The following CSMD1 variants were observed in gnomAD, a reference collection of about 807,000 sequenced individuals.
CSMD1 encodes CUB and sushi domain-containing protein 1.
A neutral mutation model predicts 417.5 loss-of-function variants in CSMD1; 213 were observed. The observed-to-expected ratio is 0.51, with a 90% CI of 0.46 to 0.57. The LOEUF is 0.57. CSMD1 is among the 20% of genes least tolerant of loss of function. The pLI is 0.00. For missense variants in CSMD1, 6,923 were observed against 4,529.7 expected (o/e 1.53, Z -15.17); for synonymous variants, 2,862 against 1,736.8 (o/e 1.65, Z -16.11).
At chr8:3,504,605 C>T (rs920761028) in intron 10 of CSMD1, among the ~76,000 whole-genome samples, 1 of 152,172 alleles carries the variant, frequency 6.6e-6, no homozygotes, top group African/African-American at 2.4e-5. Context: ...GTCTTTATAA[C>T]CAAGAAAAAC....
intron 3 of CSMD1, among the ~76,000 whole-genome samples, chr8:4,192,220 T>A (rs369632700): frequency 6.6e-6 from 1 of 152,258 alleles, no homozygotes; most frequent in East Asian, 1.9e-4. Flanking sequence ...GCAAAGATGA[T>A]TGAATGTTAA....
chr8:4,036,782 C>G lies in CSMD1; in HGVS notation c.416-4683G>C, dbSNP rs562779018. Among the ~76,000 whole-genome samples the G allele has an allele frequency of 1.2e-3, 179 of 152,352 alleles. 1 individual carries two copies. The highest frequency in any genetic ancestry group is 4.2e-3 in the African/African-American group (176 of 41,578). ...TCAAATAGCACTGTTGGCAGCACCACTATTTCATTATAACATGGATGAGAA... is the reference window on the plus strand; with the variant it reads ...TCAAATAGCACTGTTGGCAGCACCAGTATTTCATTATAACATGGATGAGAA... On this transcript the variant is annotated intron_variant, in intron 3 of 69. Coordinates refer to ENST00000635120, the MANE Select transcript of CSMD1 (RefSeq NM_033225.6).
chr8:3,076,059 G>GAA (rs150360282), intron 49 of CSMD1, among the ~76,000 whole-genome samples: 2,086 of 136,886 alleles, frequency 0.015, 19 homozygotes, highest in Middle Eastern at 0.023. Context: ...TCAAAAAAAA[G>GAA]AAAAAAAAAA....
At chr8:4,086,472 T>C (rs190110823) in intron 3 of CSMD1, among the ~76,000 whole-genome samples, 604 of 152,346 alleles carry the variant, frequency 4.0e-3, no homozygotes, top group Non-Finnish European at 6.5e-3. Flanking sequence ...CATTAATTCG[T>C]TCTGACTGTA....
intron 42 of CSMD1, among the ~76,000 whole-genome samples, chr8:3,115,815 T>G (rs189968830): frequency 1.4e-4 from 22 of 152,340 alleles, no homozygotes; most frequent in Admixed American, 1.3e-3. Context: ...ACTGGCCAAT[T>G]TTTAATAAAG....
At chr8:3,431,262 A>G (rs1355000281) in intron 12 of CSMD1, among the ~76,000 whole-genome samples, 1 of 152,070 alleles carries the variant, frequency 6.6e-6, no homozygotes, top group Non-Finnish European at 1.5e-5. Context: ...CTTCCCTCCC[A>G]TGTGCAGATG....
intron 10 of CSMD1, among the ~76,000 whole-genome samples, chr8:3,555,627 A>C (rs572563286): frequency 1.3e-4 from 20 of 152,352 alleles, no homozygotes; most frequent in South Asian, 4.1e-4. Context: ...TTTACATATA[A>C]ATTTAAAGTA....
intron 3 of CSMD1, among the ~76,000 whole-genome samples, chr8:4,319,058 C>T (rs990736792): frequency 4.6e-5 from 7 of 152,148 alleles, no homozygotes; most frequent in African/African-American, 1.7e-4. Context: ...ACCAAATAAA[C>T]ATCTTTTACT....
At chr8:4,109,361 A>G (rs534137946) in intron 3 of CSMD1, among the ~76,000 whole-genome samples, 3 of 152,246 alleles carry the variant, frequency 2.0e-5, no homozygotes, top group Admixed American at 6.5e-5. Flanking sequence ...ATCTTATTTC[A>G]TAGATTTACT....
At chr8:3,664,540 G>T (rs1447826455) in intron 7 of CSMD1, among the ~76,000 whole-genome samples, 1 of 152,210 alleles carries the variant, frequency 6.6e-6, no homozygotes, top group East Asian at 1.9e-4. Flanking sequence ...TGGGTCAAGA[G>T]CGTGAGTGTT....
At position 4,481,929 on chromosome 8, in the gene CSMD1, G is replaced by C. The variant is rs1399134291; in HGVS notation, c.303-61864C>G. The stretch of plus-strand genomic sequence containing the variant: ...AGTGACTTGAGGTGTGGAAACAACA[G>C]AATGCAGAAGCCTGGCTTTATGATC... On this transcript the variant is annotated intron_variant, in intron 2 of 69. Transcript: ENST00000635120. Among the ~76,000 whole-genome samples the C allele has an allele frequency of 3.9e-5, 6 of 152,234 alleles. No individual in the cohort carries two copies. In the East Asian group the frequency reaches 9.7e-4, roughly 25 times the overall value.
intron 3 of CSMD1, among the ~76,000 whole-genome samples, chr8:4,411,571 T>A (rs536011724): frequency 2.0e-5 from 3 of 152,206 alleles, no homozygotes; most frequent in Non-Finnish European, 4.4e-5. Flanking sequence ...TCTGTGCTCA[T>A]TGCAATGAGC....
intron 9 of CSMD1, among the ~76,000 whole-genome samples, chr8:3,575,444 T>C (rs770774549): frequency 3.9e-5 from 6 of 152,172 alleles, no homozygotes; most frequent in African/African-American, 1.2e-4. Flanking sequence ...ACACACCTAA[T>C]TGTGTGCGAC....
chr8:4,384,790 A>C (rs574500116), intron 3 of CSMD1, among the ~76,000 whole-genome samples: 8 of 152,276 alleles, frequency 5.3e-5, no homozygotes, highest in African/African-American at 1.9e-4. Context: ...CGACTTCACT[A>C]ATCAGTCCTA....
At chr8:3,986,975 G>C (rs756267214) in intron 5 of CSMD1, among the ~76,000 whole-genome samples, 3 of 152,034 alleles carry the variant, frequency 2.0e-5, no homozygotes, top group Non-Finnish European at 2.9e-5. Flanking sequence ...GGCTGTTCTT[G>C]AACTACTGAC....
In CSMD1 at chr8:3,635,161, G is replaced by C. The variant is rs144361072; in HGVS notation, c.1010-18364C>G. 1.5e-3 allele frequency among the ~76,000 whole-genome samples: 234 copies of C among 152,242 alleles called. 1 individual carries two copies. Among genetic ancestry groups the C allele is most frequent in the African/African-American group, 5.3e-3 (219 of 41,550 alleles). On this transcript the variant is annotated intron_variant, in intron 7 of 69. Transcript: ENST00000635120. ...GACGGTGAGTGCGTGTGAAGGCCAAGGACATGGCTGTGCACTGCTGTAGAA... is the reference window on the plus strand; with the variant it reads ...GACGGTGAGTGCGTGTGAAGGCCAACGACATGGCTGTGCACTGCTGTAGAA...
At chr8:3,575,683 C>G (rs1030248740) in intron 9 of CSMD1, among the ~76,000 whole-genome samples, 5 of 150,474 alleles carry the variant, frequency 3.3e-5, no homozygotes, top group African/African-American at 1.2e-4. Context: ...AAATTTATTG[C>G]AAGTTTAAAG....
intron 12 of CSMD1, among the ~76,000 whole-genome samples, chr8:3,467,495 C>T (rs1816850044): frequency 6.6e-6 from 1 of 152,178 alleles, no homozygotes; most frequent in Non-Finnish European, 1.5e-5. Flanking sequence ...CAGCAGTTGC[C>T]TCTGCATTCT....
intron 12 of CSMD1, among the ~76,000 whole-genome samples, chr8:3,444,928 C>T (rs1421508015): frequency 6.6e-6 from 1 of 152,164 alleles, no homozygotes; most frequent in East Asian, 1.9e-4. Context: ...GTCACCCCGT[C>T]TCCTGATGGG....
Sources: allele counts gnomAD v4.1 joint callset (sites outside exome capture counted in the v4.1 genomes callset), GRCh38; gene constraint gnomAD v4.1.1; transcripts MANE v1.5; gene names NCBI Gene and HGNC (gene_info 2026-07-23, HGNC 2026-07-21).